Variants in PLCXD3 observed in about 807,000 individuals in gnomAD.
The protein encoded by PLCXD3 is phosphatidylinositol specific phospholipase C X domain containing 3.
PLCXD3 carries 19 observed loss-of-function variants against 25.5 expected under a neutral mutation model. The observed-to-expected ratio is 0.75, with a 90% CI of 0.52 to 1.09. The LOEUF (loss-of-function observed/expected upper bound fraction) is 1.09, where lower values mean the gene tolerates loss of function less well. Among genes scored for constraint, PLCXD3 ranks in the 50% least tolerant of loss-of-function variants. The probability of loss-of-function intolerance (pLI) is 0.00; values close to 1 mark genes in which losing one functional copy is unlikely to be tolerated. For missense variants in PLCXD3, 411 were observed against 388.1 expected, an observed-to-expected ratio of 1.06 and a Z score of -0.50; for synonymous variants, 174 against 137.6, an observed-to-expected ratio of 1.26 and a Z score of -1.85.
intron 1 of PLCXD3, among the ~76,000 whole-genome samples, chr5:41,390,178 T>A: frequency 6.6e-6 from 1 of 152,322 alleles, no homozygotes; most frequent in East Asian, 1.9e-4. Flanking sequence ...GTTGTATGTA[T>A]CAGTAGTTTT....
chr5:41,338,204 A>T (rs113762025), intron 2 of PLCXD3, among the ~76,000 whole-genome samples: 123 of 152,294 alleles, frequency 8.1e-4, no homozygotes, highest in African/African-American at 2.9e-3. Context: ...AATTCCATGG[A>T]ACAATGCTTC....
At chr5:41,359,918 C>G (rs534623384) in intron 2 of PLCXD3, among the ~76,000 whole-genome samples, 1 of 152,090 alleles carries the variant, frequency 6.6e-6, no homozygotes, top group South Asian at 2.1e-4. Flanking sequence ...CAATTATTTC[C>G]TCAAATATGT....
chr5:41,442,713 A>G (rs918346827), intron 1 of PLCXD3, among the ~76,000 whole-genome samples: 1 of 152,190 alleles, frequency 6.6e-6, no homozygotes, highest in Non-Finnish European at 1.5e-5. Context: ...TTCATTTACC[A>G]CACAGGGGAA....
At position 41,308,596 on chromosome 5, in the gene PLCXD3, T is replaced by A. The variant is rs1580288232; in HGVS notation, c.*5021A>T. 1 of 152,052 alleles carries A rather than the reference T, an allele frequency of 6.6e-6. No homozygotes were observed. The highest frequency in any genetic ancestry group is 1.9e-4 in the East Asian group (1 of 5,180). 9.4% of individuals were successfully genotyped at this position (152,052 alleles called of 1,614,324 possible). ...GGGGCAGACCAGAAAAGTGTGTGGG[T>A]TGCATGCTTGTTTTCTCGAGAAGAG... On this transcript the variant is annotated 3_prime_UTR_variant, in exon 3 of 3. Coordinates refer to ENST00000377801, the MANE Select transcript of PLCXD3 (RefSeq NM_001005473.3).
rs1218715458 is a variant in PLCXD3, at chr5:41,309,215, T to C, written c.*4402A>G. On this transcript the variant is annotated 3_prime_UTR_variant, in exon 3 of 3. Transcript: ENST00000377801. ...ATAGTATCACAATTGAAATAACAAT[T>C]ACACAATTTTCAACAGATTCAATTG... The C allele has an allele frequency of 2.0e-5, 3 of 152,546 alleles. No homozygotes were observed. Among genetic ancestry groups the C allele is most frequent in the Admixed American group, 6.6e-5 (1 of 15,246 alleles). The allele number at this position is 152,546 out of a possible 1,614,324, so 9.4% of individuals were successfully genotyped here.
At position 41,439,384 on chromosome 5, in the gene PLCXD3, C is replaced by G. The variant is rs1283538584; in HGVS notation, c.104-56850G>C. ...TGAAAGACTGCATTTCCCAATGCAT[C>G]CAGAAGTAGCCATTTTAAAAGTTCC... is the stretch of plus-strand genomic sequence containing the variant. On this transcript the variant is annotated intron_variant, in intron 1 of 2. Transcript: ENST00000377801. Among the ~76,000 whole-genome samples, 4 of 152,218 alleles carry G rather than the reference C, an allele frequency of 2.6e-5. No individual in the cohort carries two copies. The East Asian group carries it at 7.7e-4, about 29-fold the overall frequency.
chr5:41,450,572 A>G (rs971965998), intron 1 of PLCXD3, among the ~76,000 whole-genome samples: 2 of 152,064 alleles, frequency 1.3e-5, no homozygotes, highest in Admixed American at 1.3e-4. Context: ...CTCCAAGTAC[A>G]CCTGAATTTA....
chr5:41,490,007 T>G (rs900450591), intron 1 of PLCXD3, among the ~76,000 whole-genome samples: 224 of 151,978 alleles, frequency 1.5e-3, no homozygotes, highest in Non-Finnish European at 2.5e-3. Context: ...ATCCCTGTCT[T>G]GTGCCAGTTT....
At chr5:41,389,568 C>T (rs1453659720) in intron 1 of PLCXD3, among the ~76,000 whole-genome samples, 3 of 152,174 alleles carry the variant, frequency 2.0e-5, no homozygotes, top group Non-Finnish European at 2.9e-5. Flanking sequence ...TAAAGGCTCC[C>T]GTGTACTTTC....
chr5:41,476,442 A>C (rs1270880078), intron 1 of PLCXD3, among the ~76,000 whole-genome samples: 2 of 152,340 alleles, frequency 1.3e-5, no homozygotes, highest in Admixed American at 6.5e-5. Context: ...AATTTGATAC[A>C]TGCCAGGTAG....
At chr5:41,491,382 G>A (rs553163791) in intron 1 of PLCXD3, among the ~76,000 whole-genome samples, 65 of 152,292 alleles carry the variant, frequency 4.3e-4, no homozygotes, top group African/African-American at 1.5e-3. Flanking sequence ...AATAGGTGTG[G>A]TGTGGTGCTG....
At chr5:41,489,571 G>A (rs939575457) in intron 1 of PLCXD3, among the ~76,000 whole-genome samples, 6 of 151,886 alleles carry the variant, frequency 4.0e-5, no homozygotes, top group African/African-American at 1.5e-4. Context: ...AGCATGGAAT[G>A]TTCTTCCATT....
chr5:41,371,910 C>G (rs1053248862), intron 2 of PLCXD3, among the ~76,000 whole-genome samples: 1 of 152,140 alleles, frequency 6.6e-6, no homozygotes, highest in Non-Finnish European at 1.5e-5. Context: ...GAATCAGACA[C>G]CTTTTACTCA....
intron 2 of PLCXD3, 89 bp downstream of exon 2, chr5:41,381,737 A>T: frequency 8.2e-7 from 1 of 1,225,718 alleles, no homozygotes; most frequent in South Asian, 1.5e-5. Flanking sequence ...TAATATACAT[A>T]GGTATAATTT....
At chr5:41,450,881 G>GGTGGTAT (rs1747614280) in intron 1 of PLCXD3, among the ~76,000 whole-genome samples, 1 of 152,058 alleles carries the variant, frequency 6.6e-6, no homozygotes, top group Non-Finnish European at 1.5e-5. Context: ...ATGGATTGCA[G>GGTGGTAT]CACAGATAAT....
At chr5:41,464,582 A>T (rs1347820155) in intron 1 of PLCXD3, among the ~76,000 whole-genome samples, 1 of 152,028 alleles carries the variant, frequency 6.6e-6, no homozygotes, top group Admixed American at 6.6e-5. Flanking sequence ...AAAGTATAAT[A>T]AAAAAATTGA....
At chr5:41,486,709 A>G (rs1561287265) in intron 1 of PLCXD3, among the ~76,000 whole-genome samples, 1 of 152,204 alleles carries the variant, frequency 6.6e-6, no homozygotes, top group Non-Finnish European at 1.5e-5. Flanking sequence ...GTTAGATATG[A>G]TGTAATGGTC....
At chr5:41,441,240 C>A (rs1048792004) in intron 1 of PLCXD3, among the ~76,000 whole-genome samples, 1 of 152,052 alleles carries the variant, frequency 6.6e-6, no homozygotes, top group African/African-American at 2.4e-5. Context: ...GGATACCTGG[C>A]AAAAAGGATA....
At position 41,447,345 on chromosome 5, in the gene PLCXD3, A is replaced by G. The variant is rs946032534; in HGVS notation, c.103+63079T>C. 6.9e-4 allele frequency among the ~76,000 whole-genome samples: 105 copies of G among 152,248 alleles called. 1 individual carries two copies. The highest frequency in any genetic ancestry group is 2.8e-4 in the Non-Finnish European group (19 of 68,042). ...AAAAAATAATTTGAGAGAAAAAAAG[A>G]CAAGGCCAAGATATTTAAGGAGCTG... On this transcript the variant is annotated intron_variant, in intron 1 of 2. Coordinates refer to ENST00000377801, the MANE Select transcript of PLCXD3 (RefSeq NM_001005473.3).
Sources: gnomAD v4.1 joint callset for allele counts (sites outside exome capture counted in the v4.1 genomes callset) on GRCh38, gnomAD v4.1.1 for gene constraint, MANE v1.5 for transcripts, NCBI Gene and HGNC (gene_info 2026-07-23, HGNC 2026-07-21) for gene names.